The following PDE8B variants were observed in gnomAD, a reference collection of about 807,000 sequenced individuals.
PDE8B encodes the protein phosphodiesterase 8B, also known as high affinity cAMP-specific and IBMX-insensitive 3',5'-cyclic phosphodiesterase 8B.
In PDE8B, 26 loss-of-function variants were observed where a neutral mutation model predicts 101.3. The ratio of observed to expected loss-of-function variants is 0.26; its 90% CI spans 0.19 to 0.36. PDE8B has a LOEUF of 0.36. Among genes scored for constraint, PDE8B ranks in the 10% least tolerant of loss-of-function variants. The pLI, the probability that PDE8B is intolerant of heterozygous loss-of-function variation, is 1.00. For synonymous variants in PDE8B, 424 were observed against 429.3 expected (o/e 0.99, Z 0.15); for missense variants, 810 against 1,163.1 (o/e 0.70, Z 4.42).
the PDE8B span, among the ~76,000 whole-genome samples, chr5:77,131,970 A>C: frequency 1.3e-5 from 2 of 152,322 alleles, no homozygotes; most frequent in Admixed American, 1.3e-4. Context: ...AATATATGCA[A>C]ATGTGTTTTG....
chr5:77,095,783 T>C, the PDE8B span, among the ~76,000 whole-genome samples: 2 of 152,322 alleles, frequency 1.3e-5, no homozygotes, highest in Non-Finnish European at 1.5e-5. Flanking sequence ...GTATCGATGA[T>C]TTTACCATTC....
At chr5:77,393,730 C>T (rs1352964455) in intron 10 of PDE8B, among the ~76,000 whole-genome samples, 7 of 152,140 alleles carry the variant, frequency 4.6e-5, no homozygotes. Context: ...AAGGATTCCC[C>T]ATTAGACTAT....
At chr5:77,419,396 G>C (rs572067913) in intron 18 of PDE8B, among the ~76,000 whole-genome samples, 1 of 152,218 alleles carries the variant, frequency 6.6e-6, no homozygotes, top group Non-Finnish European at 1.5e-5. Flanking sequence ...TTTGCACAGA[G>C]TGCAGTGGGC....
chr5:77,344,654 G>A (rs183945669), intron 6 of PDE8B, among the ~76,000 whole-genome samples, 199 bp from the exon 7 acceptor site: 1 of 152,238 alleles, frequency 6.6e-6, no homozygotes, highest in East Asian at 1.9e-4. Flanking sequence ...CTTCCCAAAG[G>A]CCCTGCCTCT....
the PDE8B span, among the ~76,000 whole-genome samples, chr5:77,133,621 G>T: frequency 6.6e-6 from 1 of 152,288 alleles, no homozygotes; most frequent in Admixed American, 6.5e-5. Context: ...TCTGTGTTTT[G>T]CAGGGATGAG....
At chr5:77,145,272 T>C in the PDE8B span, 7 of 152,210 alleles carry the variant, frequency 4.6e-5, no homozygotes, top group Admixed American at 4.6e-4. Context: ...ACCTGGTTTC[T>C]TCTTGGTGCT....
chr5:77,240,552 T>A (rs186761603), intron 1 of PDE8B, among the ~76,000 whole-genome samples: 1 of 152,364 alleles, frequency 6.6e-6, no homozygotes, highest in East Asian at 1.9e-4. Flanking sequence ...TAAGATAACC[T>A]AGTGTACATC....
At chr5:77,283,187 T>A (rs1209062716) in intron 1 of PDE8B, among the ~76,000 whole-genome samples, 2 of 152,180 alleles carry the variant, frequency 1.3e-5, no homozygotes, top group African/African-American at 4.8e-5. Context: ...CATTTTTAGA[T>A]TCACAGCAGA....
At chr5:77,337,660 C>A (rs1310154715) in intron 6 of PDE8B, among the ~76,000 whole-genome samples, 3 of 152,078 alleles carry the variant, frequency 2.0e-5, no homozygotes, top group African/African-American at 7.2e-5. Context: ...TACATTTTTA[C>A]TTGGATTGTT....
At position 77,412,304 on chromosome 5, in the gene PDE8B, CTT is replaced by C. The variant is rs899579135; in HGVS notation, c.1712+71_1712+72del. On this transcript the variant is annotated intron_variant, in intron 16 of 21. Transcript: ENST00000264917. ...ATGCTCAAACTCTCACATTTGGAAA[CTT>C]TGAGGGAGACATGTTTTTGCTGTGA... 2.0e-6 allele frequency: 3 copies of C among 1,533,452 alleles called. No individual in the cohort carries two copies. In the African/African-American group the frequency reaches 4.1e-5, roughly 21 times the overall value. The allele number at this position is 1,533,452 out of a possible 1,614,324, so 95.0% of individuals were successfully genotyped here. A position where few individuals can be genotyped will look rare whatever the true frequency, so the allele number is the denominator to read the frequency against.
rs189338954 is a variant in PDE8B at position 77,295,961 on chromosome 5, A to G, written c.340-16033A>G. Among the ~76,000 whole-genome samples, 16 of 152,350 alleles carry G rather than the reference A, an allele frequency of 1.1e-4. No homozygotes were observed. The East Asian group carries it at 2.3e-3, about 22-fold the overall frequency. ...AGTGAGAATATTTATTAAAAGTAGA[A>G]TAGCTTTTTCCCAGCATTGCTAGCA... is the stretch of plus-strand genomic sequence containing the variant. On this transcript the variant is annotated intron_variant, in intron 1 of 21. Coordinates refer to ENST00000264917, the MANE Select transcript of PDE8B (RefSeq NM_003719.5).
chr5:77,270,612 T>C (rs1762581971), intron 1 of PDE8B, among the ~76,000 whole-genome samples: 1 of 152,238 alleles, frequency 6.6e-6, no homozygotes, highest in South Asian at 2.1e-4. Context: ...TGGATCTTGC[T>C]TGTAATTGTC....
At chr5:77,145,335 A>G in the PDE8B span, 1 of 152,242 alleles carries the variant, frequency 6.6e-6, no homozygotes, top group African/African-American at 2.4e-5. Context: ...CTGTTAAACA[A>G]AAAGGAATCA....
intron 1 of PDE8B, chr5:77,291,379 G>T: frequency 4.3e-6 from 7 of 1,611,928 alleles, no homozygotes; most frequent in Non-Finnish European, 5.9e-6. Flanking sequence ...GTCTATGGGG[G>T]CAAGGTTATG....
intron 1 of PDE8B, among the ~76,000 whole-genome samples, chr5:77,307,343 G>T (rs1040179788): frequency 6.6e-6 from 1 of 152,054 alleles, no homozygotes; most frequent in East Asian, 1.9e-4. Context: ...CAAACCAGAA[G>T]TATTACCTCC....
intron 7 of PDE8B, among the ~76,000 whole-genome samples, chr5:77,346,838 G>A (rs935544514): frequency 9.9e-5 from 15 of 152,214 alleles, no homozygotes; most frequent in African/African-American, 3.6e-4. Context: ...AATAGAGGAT[G>A]TTATATGTAT....
intron 1 of PDE8B, among the ~76,000 whole-genome samples, chr5:77,251,668 C>T (rs76273275): frequency 1.9e-3 from 291 of 152,300 alleles, no homozygotes; most frequent in African/African-American, 6.8e-3. Context: ...ATGTTAGACT[C>T]TCCCACTGTA....
intron 10 of PDE8B, among the ~76,000 whole-genome samples, chr5:77,364,375 C>T (rs1367261209): frequency 6.6e-6 from 1 of 152,164 alleles, no homozygotes; most frequent in East Asian, 1.9e-4. Context: ...TAAGATTAGA[C>T]TCAAGCGTCT....
the PDE8B span, among the ~76,000 whole-genome samples, chr5:77,178,176 A>G: frequency 6.6e-6 from 1 of 152,128 alleles, no homozygotes; most frequent in Non-Finnish European, 1.5e-5. Context: ...TTTTTCTTTT[A>G]TAGATAGAAG....
Sources: gnomAD v4.1 joint callset for allele counts (sites outside exome capture counted in the v4.1 genomes callset) on GRCh38, gnomAD v4.1.1 for gene constraint, MANE v1.5 for transcripts, NCBI Gene and HGNC (gene_info 2026-07-23, HGNC 2026-07-21) for gene names.